The following FHIP1A variants were observed in gnomAD, a reference collection of about 807,000 sequenced individuals.
FHIP1A encodes the protein FHF complex subunit HOOK interacting protein 1A, also known as FHF complex subunit HOOK-interacting protein 1A.
In FHIP1A, 61 loss-of-function variants were observed where a neutral mutation model predicts 88.6. That is an observed-to-expected ratio of 0.69 (90% CI 0.56 to 0.85). The LOEUF (loss-of-function observed/expected upper bound fraction) is 0.85. FHIP1A is among the 40% of genes least tolerant of loss of function. The probability of loss-of-function intolerance (pLI) is 0.00; values close to 1 mark genes in which losing one functional copy is unlikely to be tolerated. For synonymous variants in FHIP1A, 478 were observed against 496.0 expected, an observed-to-expected ratio of 0.96 and a Z score of 0.48; for missense variants, 1,154 against 1,273.5, an observed-to-expected ratio of 0.91 and a Z score of 1.43.
At chr4:151,592,717 G>A (rs955635163) in intron 7 of FHIP1A, among the ~76,000 whole-genome samples, 4 of 152,164 alleles carry the variant, frequency 2.6e-5, no homozygotes, top group African/African-American at 9.7e-5. Flanking sequence ...TAGGTTGCGT[G>A]TTCACTCTGA....
At chr4:151,599,217 G>A (rs920533696) in intron 7 of FHIP1A, among the ~76,000 whole-genome samples, 5 of 152,270 alleles carry the variant, frequency 3.3e-5, no homozygotes, top group African/African-American at 1.2e-4. Flanking sequence ...CTATAGATAC[G>A]GATATGATTT....
At chr4:151,459,405 A>G (rs1729073978) in intron 2 of FHIP1A, among the ~76,000 whole-genome samples, 1 of 152,204 alleles carries the variant, frequency 6.6e-6, no homozygotes, top group Non-Finnish European at 1.5e-5. Context: ...GGTGGGACCA[A>G]AAGTCCAGCA....
At chr4:151,435,595 G>A (rs1357798581) in intron 1 of FHIP1A, among the ~76,000 whole-genome samples, 1 of 152,128 alleles carries the variant, frequency 6.6e-6, no homozygotes, top group African/African-American at 2.4e-5. Flanking sequence ...GACCAGCCTG[G>A]CCAACATGGG....
At chr4:151,468,452 C>T (rs1281551644) in intron 2 of FHIP1A, among the ~76,000 whole-genome samples, 1 of 152,122 alleles carries the variant, frequency 6.6e-6, no homozygotes, top group Non-Finnish European at 1.5e-5. Flanking sequence ...AGTGGCAATG[C>T]CAAAGGCTGG....
chr4:151,434,377 A>C (rs1449799101), intron 1 of FHIP1A, among the ~76,000 whole-genome samples: 1 of 152,362 alleles, frequency 6.6e-6, no homozygotes, highest in East Asian at 1.9e-4. Flanking sequence ...AGATCAGTAT[A>C]TAAATATAAG....
chr4:151,493,620 G>A (rs1474892756), intron 3 of FHIP1A, among the ~76,000 whole-genome samples: 3 of 152,054 alleles, frequency 2.0e-5, no homozygotes, highest in Non-Finnish European at 1.5e-5. Context: ...AAAAGATAAC[G>A]TACCATGATC....
At chr4:151,532,028 T>C (rs952458268) in intron 3 of FHIP1A, among the ~76,000 whole-genome samples, 6 of 152,246 alleles carry the variant, frequency 3.9e-5, no homozygotes, top group Non-Finnish European at 7.3e-5. Flanking sequence ...ATGTAGAGTA[T>C]GTGGATACGT....
chr4:151,476,293 C>T (rs1729700948), intron 2 of FHIP1A, among the ~76,000 whole-genome samples: 2 of 151,646 alleles, frequency 1.3e-5, no homozygotes, highest in African/African-American at 4.8e-5. Flanking sequence ...AGGTGTGCAC[C>T]ACCATGCCTG....
At chr4:151,489,930 C>T (rs1026151309) in intron 3 of FHIP1A, among the ~76,000 whole-genome samples, 2 of 152,094 alleles carry the variant, frequency 1.3e-5, no homozygotes, top group African/African-American at 2.4e-5. Context: ...GTTCTATGGC[C>T]CCACCCATCA....
At chr4:151,492,056 G>A (rs1730301466) in intron 3 of FHIP1A, among the ~76,000 whole-genome samples, 1 of 152,124 alleles carries the variant, frequency 6.6e-6, no homozygotes, top group African/African-American at 2.4e-5. Context: ...ATAATAGTGA[G>A]GGACTTCAGT....
In FHIP1A at chr4:151,452,955, TACAC is replaced by T. The variant is rs374067458; in HGVS notation, c.-355-1728_-355-1725del. Among the ~76,000 whole-genome samples the T allele has an allele frequency of 1.7e-3, 246 of 147,902 alleles. 1 individual carries two copies. The highest frequency in any genetic ancestry group is 5.9e-3 in the African/African-American group (236 of 39,964). On this transcript the variant is annotated intron_variant, in intron 1 of 13. Transcript: ENST00000435205. ...TGAAACGTATATATATATATATACA[TACAC>T]ACACACACACACACACAAACATACA...
At position 151,425,710 on chromosome 4, in the gene FHIP1A, C is replaced by T. The variant is rs118053694; in HGVS notation, c.-356+16245C>T. Among the ~76,000 whole-genome samples the T allele has an allele frequency of 1.2e-3, 183 of 152,268 alleles. 7 individuals are homozygous for T. The East Asian group carries it at 0.021, about 17-fold the overall frequency. ...CTAAAATCAAGGTATAGGCAGACCC[C>T]ATTTTCTCCAAAGACTCTAGGGGAG... On this transcript the variant is annotated intron_variant, in intron 1 of 13. Transcript: ENST00000435205.
At chr4:151,560,688 G>A (rs574511708) in intron 3 of FHIP1A, among the ~76,000 whole-genome samples, 1 of 152,224 alleles carries the variant, frequency 6.6e-6, no homozygotes, top group East Asian at 1.9e-4. Context: ...AGTTGGGTTG[G>A]TGGGGAGACT....
intron 3 of FHIP1A, among the ~76,000 whole-genome samples, chr4:151,511,255 G>A (rs1245925656): frequency 6.6e-6 from 1 of 152,176 alleles, no homozygotes; most frequent in African/African-American, 2.4e-5. Context: ...TATATTATTC[G>A]TCCATGGGGT....
chr4:151,454,462 A>T (rs1227868409), intron 1 of FHIP1A, among the ~76,000 whole-genome samples: 1 of 152,188 alleles, frequency 6.6e-6, no homozygotes, highest in Non-Finnish European at 1.5e-5. Flanking sequence ...TGCAGAACTA[A>T]AGAGGCTAGT....
intron 4 of FHIP1A, among the ~76,000 whole-genome samples, chr4:151,572,055 A>C (rs1180336516): frequency 1.3e-5 from 2 of 152,046 alleles, no homozygotes; most frequent in Admixed American, 6.6e-5. Flanking sequence ...TAAAATACAA[A>C]AGTTAGCCAG....
At chr4:151,613,880 A>G (rs1489778798) in intron 7 of FHIP1A, among the ~76,000 whole-genome samples, 1 of 152,194 alleles carries the variant, frequency 6.6e-6, no homozygotes, top group Admixed American at 6.5e-5. Flanking sequence ...AATGTTTTGC[A>G]GGCTGGATGC....
At chr4:151,542,346 G>C (rs936566460) in intron 3 of FHIP1A, among the ~76,000 whole-genome samples, 1 of 152,086 alleles carries the variant, frequency 6.6e-6, no homozygotes, top group Non-Finnish European at 1.5e-5. Context: ...AATGTGACTT[G>C]TCCCCTCCAC....
At position 151,409,233 on chromosome 4, in the gene FHIP1A, C is replaced by T. The variant is rs1273932993; in HGVS notation, c.-588C>T. On this transcript the variant is annotated 5_prime_UTR_variant, in exon 1 of 14. Coordinates refer to ENST00000435205, the MANE Select transcript of FHIP1A (RefSeq NM_001109977.3). ...CACCTTCGAAAAGTTGCGCTCCGAC[C>T]TTCTCACGACCTACATTCTTCCCGG... 6.6e-6 allele frequency: 1 copy of T among 152,008 alleles called. No homozygotes were observed. Among genetic ancestry groups the T allele is most frequent in the Non-Finnish European group, 1.5e-5 (1 of 68,020 alleles). The allele number at this position is 152,008 out of a possible 1,614,324, so 9.4% of individuals were successfully genotyped here. A position where few individuals can be genotyped will look rare whatever the true frequency, so the allele number is the denominator to read the frequency against.
Sources: gnomAD v4.1 joint callset for allele counts (sites outside exome capture counted in the v4.1 genomes callset) on GRCh38, gnomAD v4.1.1 for gene constraint, MANE v1.5 for transcripts, NCBI Gene and HGNC (gene_info 2026-07-23, HGNC 2026-07-21) for gene names.